EYS: variants seen among roughly 807,000 people sequenced by gnomAD.
The protein encoded by EYS is protein eyes shut homolog.
A neutral mutation model predicts 282.1 loss-of-function variants in EYS; 250 were observed. The ratio of observed to expected loss-of-function variants is 0.89; its 90% CI spans 0.80 to 0.98. EYS has a LOEUF of 0.98. Ranked by LOEUF, EYS falls within the 50% of genes least tolerant of loss-of-function variation. The probability of loss-of-function intolerance (pLI) is 0.00; values close to 1 mark genes in which losing one functional copy is unlikely to be tolerated. For missense variants in EYS, 4,016 were observed against 3,709.0 expected, an observed-to-expected ratio of 1.08 and a Z score of -2.15; for synonymous variants, 1,355 against 1,282.9, an observed-to-expected ratio of 1.06 and a Z score of -1.20.
In EYS at chr6:64,929,778, G is replaced by T. The variant is rs1360327037; in HGVS notation, c.2381+16015C>A. Among the ~76,000 whole-genome samples, 8 of 152,060 alleles carry T rather than the reference G, an allele frequency of 5.3e-5. No individual in the cohort carries two copies. In the East Asian group the frequency reaches 9.7e-4, roughly 18 times the overall value. On this transcript the variant is annotated intron_variant, in intron 15 of 42. Coordinates refer to ENST00000503581, the MANE Select transcript of EYS (RefSeq NM_001142800.2). Reference sequence around the variant, plus strand: ...GATATCATACATATCAACATATGTTGCCACTGGCAACGTATGTATGATTAT... The same window carrying T: ...GATATCATACATATCAACATATGTTTCCACTGGCAACGTATGTATGATTAT...
intron 12 of EYS, among the ~76,000 whole-genome samples, chr6:65,247,113 G>C (rs908605943): frequency 6.6e-6 from 1 of 152,010 alleles, no homozygotes; most frequent in African/African-American, 2.4e-5. Context: ...TTTTAACTAA[G>C]GCCTGAGTAA....
At chr6:64,024,374 T>C (rs968091103) in intron 33 of EYS, among the ~76,000 whole-genome samples, 1 of 152,076 alleles carries the variant, frequency 6.6e-6, no homozygotes, top group Non-Finnish European at 1.5e-5. Flanking sequence ...ATCTAGCTAA[T>C]CTGGTGGGGA....
intron 22 of EYS, among the ~76,000 whole-genome samples, chr6:64,671,681 G>T (rs1487379844): frequency 6.6e-6 from 1 of 151,898 alleles, no homozygotes. Flanking sequence ...TGACAGTTCT[G>T]TTGCAAACAT....
chr6:65,667,341 T>C (rs950055262), intron 1 of EYS, among the ~76,000 whole-genome samples: 1 of 151,892 alleles, frequency 6.6e-6, no homozygotes, highest in African/African-American at 2.4e-5. Flanking sequence ...TGCCTAATGC[T>C]CTCACTTAAA....
At chr6:64,208,382 A>G (rs563246918) in intron 31 of EYS, among the ~76,000 whole-genome samples, 2 of 152,340 alleles carry the variant, frequency 1.3e-5, no homozygotes, top group East Asian at 3.9e-4. Flanking sequence ...CACAGCTAAA[A>G]GAGCACATTA....
chr6:64,136,326 C>T (rs184785063), intron 31 of EYS, among the ~76,000 whole-genome samples: 1 of 152,172 alleles, frequency 6.6e-6, no homozygotes, highest in African/African-American at 2.4e-5. Context: ...ATTCCTCAAA[C>T]TCATCCATGA....
intron 33 of EYS, among the ~76,000 whole-genome samples, chr6:64,022,176 C>T (rs1293506133): frequency 6.6e-6 from 1 of 152,102 alleles, no homozygotes; most frequent in East Asian, 1.9e-4. Context: ...CCTCCATTCT[C>T]CATTAAATTG....
intron 36 of EYS, among the ~76,000 whole-genome samples, chr6:63,845,234 A>C (rs1772067714): frequency 6.6e-6 from 1 of 152,198 alleles, no homozygotes; most frequent in Non-Finnish European, 1.5e-5. Context: ...ATTAGCTATG[A>C]AGAAAGTGAG....
chr6:64,751,169 G>T (rs1583113383), intron 22 of EYS, among the ~76,000 whole-genome samples: 1 of 152,132 alleles, frequency 6.6e-6, no homozygotes, highest in African/African-American at 2.4e-5. Flanking sequence ...TGCAGCAGTA[G>T]TTTCTCCACT....
chr6:64,246,463 G>A (rs906363006), intron 30 of EYS, among the ~76,000 whole-genome samples: 8 of 152,090 alleles, frequency 5.3e-5, no homozygotes, highest in African/African-American at 1.9e-4. Context: ...TTGAAGGGGT[G>A]TGTGTGTGAT....
chr6:65,418,420 A>G (rs1023753790), intron 5 of EYS, among the ~76,000 whole-genome samples: 3 of 152,092 alleles, frequency 2.0e-5, no homozygotes, highest in Non-Finnish European at 2.9e-5. Flanking sequence ...ACACATGCAC[A>G]CATATGTTTA....
At chr6:65,289,899 G>T (rs7752877) in intron 12 of EYS, among the ~76,000 whole-genome samples, 1 of 150,736 alleles carries the variant, frequency 6.6e-6, no homozygotes, top group Admixed American at 6.6e-5. Flanking sequence ...TAGTAATCAT[G>T]TTCTTTATTA....
At chr6:64,999,089 C>G (rs1028785270) in intron 13 of EYS, among the ~76,000 whole-genome samples, 80 of 152,196 alleles carry the variant, frequency 5.3e-4, no homozygotes, top group African/African-American at 1.8e-3. Flanking sequence ...AAATGTGTTT[C>G]TAACATAGAT....
At chr6:65,376,642 A>G (rs1290862434) in intron 8 of EYS, among the ~76,000 whole-genome samples, 1 of 152,166 alleles carries the variant, frequency 6.6e-6, no homozygotes, top group Non-Finnish European at 1.5e-5. Flanking sequence ...CTCATACGCA[A>G]AGACATGTAT....
chr6:64,942,493 G>A (rs1329976709), intron 15 of EYS, among the ~76,000 whole-genome samples: 1 of 143,288 alleles, frequency 7.0e-6, no homozygotes, highest in Admixed American at 7.2e-5. Flanking sequence ...AAGAAAAAAC[G>A]ACAGAAGATC....
At chr6:65,683,213 G>A (rs1287345058) in intron 1 of EYS, among the ~76,000 whole-genome samples, 3 of 151,966 alleles carry the variant, frequency 2.0e-5, no homozygotes, top group African/African-American at 7.2e-5. Context: ...TTTTACAGCA[G>A]TATTATATCT....
rs56097288 is a variant in EYS, at chr6:64,789,884, G to GATAT, written c.3443+23490_3443+23493dup. Among the ~76,000 whole-genome samples, 923 of 148,746 alleles carry GATAT rather than the reference G, an allele frequency of 6.2e-3. 5 individuals carry two copies. Among genetic ancestry groups the GATAT allele is most frequent in the African/African-American group, 9.1e-3 (367 of 40,400 alleles). ...AAGCGATGGGATTCTAAAGTTGTAT[G>GATAT]ATATATATATATATATATAAATGTC... On this transcript the variant is annotated intron_variant, in intron 22 of 42. Transcript: ENST00000503581.
At chr6:64,115,960 C>T (rs1188101155) in intron 31 of EYS, among the ~76,000 whole-genome samples, 2 of 151,954 alleles carry the variant, frequency 1.3e-5, no homozygotes, top group East Asian at 3.9e-4. Context: ...ACCTAATAAG[C>T]TCTTTAAGAA....
chr6:64,671,936 C>T (rs1445119064), intron 22 of EYS, among the ~76,000 whole-genome samples: 3 of 151,712 alleles, frequency 2.0e-5, no homozygotes, highest in Non-Finnish European at 2.9e-5. Flanking sequence ...TAATTGCATA[C>T]AAAAATTAAT....
Sources: allele counts gnomAD v4.1 joint callset (sites outside exome capture counted in the v4.1 genomes callset), GRCh38; gene constraint gnomAD v4.1.1; transcripts MANE v1.5; gene names NCBI Gene and HGNC (gene_info 2026-07-23, HGNC 2026-07-21).